Variants in CAMKMT observed in about 807,000 individuals in gnomAD.
The protein encoded by CAMKMT is CaM KMT.
Under a neutral mutation model 48.0 loss-of-function variants are expected in CAMKMT, and 53 were observed. The ratio of observed to expected loss-of-function variants is 1.10; its 90% CI spans 0.89 to 1.39. The LOEUF is 1.39. Among genes scored for constraint, CAMKMT ranks in the 40% most tolerant of loss-of-function variants. The pLI is 0.00. For synonymous variants in CAMKMT, 165 were observed against 152.3 expected (o/e 1.08, Z -0.61); for missense variants, 428 against 402.7 (o/e 1.06, Z -0.54).
intron 3 of CAMKMT, among the ~76,000 whole-genome samples, chr2:44,479,827 A>G (rs1668875173): frequency 6.6e-6 from 1 of 152,114 alleles, no homozygotes; most frequent in Non-Finnish European, 1.5e-5. Flanking sequence ...TCCATTTTGT[A>G]TTTGAAAGTG....
At chr2:44,382,464 C>G (rs1375427450) in intron 2 of CAMKMT, among the ~76,000 whole-genome samples, 2 of 150,440 alleles carry the variant, frequency 1.3e-5, no homozygotes, top group Admixed American at 1.3e-4. Context: ...TTGCAAATAA[C>G]TTTTTTCTTT....
intron 2 of CAMKMT, among the ~76,000 whole-genome samples, chr2:44,374,183 C>T (rs1006839006): frequency 7.1e-6 from 1 of 139,942 alleles, no homozygotes; most frequent in Non-Finnish European, 1.5e-5. Flanking sequence ...TATAAACTTA[C>T]AGATTTTGGG....
intron 3 of CAMKMT, among the ~76,000 whole-genome samples, chr2:44,524,835 G>GT (rs1417227598): frequency 6.6e-6 from 1 of 152,084 alleles, no homozygotes; most frequent in African/African-American, 2.4e-5. Context: ...TCCAGCAAAT[G>GT]TTTTTGGAAT....
chr2:44,443,261 A>G (rs1016654453), intron 3 of CAMKMT, among the ~76,000 whole-genome samples: 10 of 152,192 alleles, frequency 6.6e-5, no homozygotes, highest in African/African-American at 2.4e-5. Flanking sequence ...AGGGCTTTTC[A>G]TCTGACAAAG....
intron 3 of CAMKMT, among the ~76,000 whole-genome samples, chr2:44,668,454 T>C (rs574206612): frequency 1.3e-5 from 2 of 152,296 alleles, no homozygotes; most frequent in East Asian, 3.9e-4. Context: ...CACCATAAAA[T>C]CATGTGGCAG....
chr2:44,465,011 T>C (rs1668037082), intron 3 of CAMKMT, among the ~76,000 whole-genome samples: 1 of 152,180 alleles, frequency 6.6e-6, no homozygotes. Flanking sequence ...TATTTATCTT[T>C]TAAATTGGAT....
chr2:44,703,583 G>A (rs976603900), intron 3 of CAMKMT, among the ~76,000 whole-genome samples: 5 of 151,996 alleles, frequency 3.3e-5, no homozygotes, highest in African/African-American at 1.2e-4. Context: ...TTCGAGACCA[G>A]CTTGACCAAC....
At chr2:44,749,391 T>A (rs868203931) in intron 8 of CAMKMT, among the ~76,000 whole-genome samples, 1 of 152,196 alleles carries the variant, frequency 6.6e-6, no homozygotes. Context: ...CTACATAAGC[T>A]CCTCAATTCC....
At chr2:44,362,445 C>T (rs1677995546) in intron 1 of CAMKMT, among the ~76,000 whole-genome samples, 1 of 152,072 alleles carries the variant, frequency 6.6e-6, no homozygotes, top group Non-Finnish European at 1.5e-5. Flanking sequence ...CCCTTCTCGC[C>T]AGTCTCTGGT....
chr2:44,656,180 C>A (rs1412782345), intron 3 of CAMKMT, among the ~76,000 whole-genome samples: 1 of 152,120 alleles, frequency 6.6e-6, no homozygotes, highest in African/African-American at 2.4e-5. Flanking sequence ...AAGTTATCTA[C>A]AAGTAGTTTT....
intron 3 of CAMKMT, among the ~76,000 whole-genome samples, chr2:44,416,272 A>C (rs866938984): frequency 6.6e-6 from 1 of 152,148 alleles, no homozygotes; most frequent in East Asian, 1.9e-4. Flanking sequence ...GATTTAGTTT[A>C]CTCTTATTTA....
At chr2:44,364,445 T>C (rs750136055) in intron 1 of CAMKMT, among the ~76,000 whole-genome samples, 2 of 152,142 alleles carry the variant, frequency 1.3e-5, no homozygotes, top group Non-Finnish European at 2.9e-5. Flanking sequence ...CTTTATATTA[T>C]TTTATGATCA....
At chr2:44,599,694 G>C (rs535144331) in intron 3 of CAMKMT, among the ~76,000 whole-genome samples, 58 of 151,906 alleles carry the variant, frequency 3.8e-4, no homozygotes, top group Non-Finnish European at 7.1e-4. Context: ...TTAGGGCTTA[G>C]ATTCCACAAA....
rs115489375 is a variant in CAMKMT, at chr2:44,623,325, T to C, written c.377-80958T>C. On this transcript the variant is annotated intron_variant, in intron 3 of 10. Coordinates refer to ENST00000378494, the MANE Select transcript of CAMKMT (RefSeq NM_024766.5). ...CTCTTGCTGTGCAGAAGCTCTTTAG[T>C]TTACTTAGGTCCCATTTGCTGATTT... Among the ~76,000 whole-genome samples, 397 of 152,294 alleles carry C rather than the reference T, an allele frequency of 2.6e-3. 2 individuals are homozygous for C. The highest frequency in any genetic ancestry group is 9.0e-3 in the African/African-American group (374 of 41,566).
chr2:44,382,296 C>T (rs1012416918), intron 2 of CAMKMT, among the ~76,000 whole-genome samples: 2 of 151,814 alleles, frequency 1.3e-5, no homozygotes, highest in South Asian at 2.1e-4. Context: ...CTGTAGTTTT[C>T]CATATTAGTG....
chr2:44,758,727 T>C (rs528049022), intron 9 of CAMKMT, among the ~76,000 whole-genome samples: 3 of 152,322 alleles, frequency 2.0e-5, no homozygotes, highest in South Asian at 2.1e-4. Flanking sequence ...CTCACTGTCA[T>C]TGTATTCCTT....
chr2:44,605,666 T>C (rs1671242285), intron 3 of CAMKMT, among the ~76,000 whole-genome samples: 1 of 152,134 alleles, frequency 6.6e-6, no homozygotes, highest in African/African-American at 2.4e-5. Context: ...TCAAGGAAAC[T>C]AAGACACAGA....
intron 3 of CAMKMT, among the ~76,000 whole-genome samples, chr2:44,521,901 C>T (rs1371339812): frequency 6.6e-6 from 1 of 152,138 alleles, no homozygotes; most frequent in South Asian, 2.1e-4. Context: ...TGGTAAAATA[C>T]ATGTAACATA....
At chr2:44,730,272 C>T (rs1317847822) in intron 7 of CAMKMT, among the ~76,000 whole-genome samples, 1 of 152,172 alleles carries the variant, frequency 6.6e-6, no homozygotes, top group East Asian at 1.9e-4. Context: ...CATCCAGATC[C>T]TGTGTGTAAG....
Sources: gnomAD v4.1 joint callset for allele counts (sites outside exome capture counted in the v4.1 genomes callset) on GRCh38, gnomAD v4.1.1 for gene constraint, MANE v1.5 for transcripts, NCBI Gene and HGNC (gene_info 2026-07-23, HGNC 2026-07-21) for gene names.